CACNA1C: variants seen among roughly 807,000 people sequenced by gnomAD.
CACNA1C encodes the protein voltage-dependent L-type calcium channel subunit alpha-1C.
CACNA1C carries 30 observed loss-of-function variants against 229.0 expected under a neutral mutation model. The ratio of observed to expected loss-of-function variants is 0.13; its 90% CI spans 0.10 to 0.18. The LOEUF is 0.18. Among genes scored for constraint, CACNA1C ranks in the 10% least tolerant of loss-of-function variants. The probability of loss-of-function intolerance (pLI) is 1.00; values close to 1 mark genes in which losing one functional copy is unlikely to be tolerated. For synonymous variants in CACNA1C, 1,114 were observed against 1,132.5 expected (o/e 0.98, Z 0.33); for missense variants, 1,658 against 2,845.0 (o/e 0.58, Z 9.49).
At chr12:2,255,083 C>T (rs1293036770) in intron 3 of CACNA1C, among the ~76,000 whole-genome samples, 1 of 152,114 alleles carries the variant, frequency 6.6e-6, no homozygotes, top group Non-Finnish European at 1.5e-5. Context: ...GCTGTGGATG[C>T]GTAGAGCTTG....
At chr12:2,052,728 G>A (rs1435528528), upstream of CACNA1C, among the ~76,000 whole-genome samples, 4 of 145,668 alleles carry the variant, frequency 2.7e-5, no homozygotes, top group Non-Finnish European at 6.1e-5. Flanking sequence ...TCCCTTTGAC[G>A]TCATGCGGGC....
At chr12:2,178,462 A>G (rs868315124) in intron 3 of CACNA1C, among the ~76,000 whole-genome samples, 8 of 152,204 alleles carry the variant, frequency 5.3e-5, no homozygotes, top group Non-Finnish European at 1.2e-4. Flanking sequence ...GATCTGCAGA[A>G]GGCTTGCTAC....
intron 3 of CACNA1C, among the ~76,000 whole-genome samples, chr12:2,136,504 A>G (rs1471954362): frequency 2.0e-5 from 3 of 151,282 alleles, no homozygotes; most frequent in African/African-American, 7.3e-5. Flanking sequence ...TATAAATGGG[A>G]GGGGTATTTT....
chr12:2,551,517 G>A (rs1030778616), intron 10 of CACNA1C, among the ~76,000 whole-genome samples: 2 of 152,150 alleles, frequency 1.3e-5, no homozygotes, highest in Non-Finnish European at 2.9e-5. Flanking sequence ...ATAAAATGTG[G>A]TCTTTCCCCA....
chr12:2,610,802 G>T, intron 28 of CACNA1C, 103 bp downstream of exon 28: 1 of 1,142,360 alleles, frequency 8.8e-7, no homozygotes, highest in South Asian at 1.4e-5. Flanking sequence ...TCGCTTTCCT[G>T]GTCACCAAGG....
At position 2,632,344 on chromosome 12, in the gene CACNA1C, G is replaced by A. The variant is rs750087627; in HGVS notation, c.3829-1953G>A. Reference sequence around the variant, plus strand: ...CTGGGGGTGTATGGGGAATATGATCGCCTGTAGCTGGGGGTGTATGCACCC... The same window carrying A: ...CTGGGGGTGTATGGGGAATATGATCACCTGTAGCTGGGGGTGTATGCACCC... On this transcript the variant is annotated intron_variant, in intron 29 of 46. Coordinates refer to ENST00000399655, the MANE Select transcript of CACNA1C (RefSeq NM_000719.7). This position sits in a 1 kb window ranked among gnomAD's most constrained non-coding sequence, Gnocchi z 4.1. Among the ~76,000 whole-genome samples, 80 of 151,696 alleles carry A rather than the reference G, an allele frequency of 5.3e-4. 1 individual carries two copies. The highest frequency in any genetic ancestry group is 2.4e-4 in the Non-Finnish European group (16 of 67,934).
intron 3 of CACNA1C, among the ~76,000 whole-genome samples, chr12:2,193,291 C>T (rs1485716306): frequency 2.0e-5 from 3 of 152,028 alleles, no homozygotes; most frequent in Non-Finnish European, 2.9e-5. Flanking sequence ...CCTGTCTCTA[C>T]AAAAAGTACA....
At chr12:2,116,676 G>A (rs2084050194) in intron 2 of CACNA1C, among the ~76,000 whole-genome samples, 1 of 152,090 alleles carries the variant, frequency 6.6e-6, no homozygotes, top group Non-Finnish European at 1.5e-5. Context: ...AGCCCAGAAA[G>A]GACCTTTAAG....
At position 2,647,336 on chromosome 12, in the gene CACNA1C, C is replaced by T. The variant is rs1292549276; in HGVS notation, c.3913-1139C>T. ...GTAAGGGCACCTTCCCAGATCCAGGCTCCAGGAACTCGGGGAGAGGGCTGG... is the reference window on the plus strand; with the variant it reads ...GTAAGGGCACCTTCCCAGATCCAGGTTCCAGGAACTCGGGGAGAGGGCTGG... On this transcript the variant is annotated intron_variant, in intron 30 of 46. Transcript: ENST00000399655. This position sits in a 1 kb window ranked among gnomAD's most constrained non-coding sequence, Gnocchi z 4.2. 6.6e-6 allele frequency among the ~76,000 whole-genome samples: 1 copy of T among 152,224 alleles called. No individual in the cohort carries two copies. The highest frequency in any genetic ancestry group is 1.5e-5 in the Non-Finnish European group (1 of 68,052).
At chr12:2,309,811 G>A (rs1219301123) in intron 3 of CACNA1C, among the ~76,000 whole-genome samples, 3 of 152,232 alleles carry the variant, frequency 2.0e-5, no homozygotes, top group African/African-American at 7.2e-5. Context: ...GCGACTTACA[G>A]TCCAGGAGGG....
rs1018893607 is a variant in CACNA1C, at chr12:2,671,874, G to T, written c.4727-2667G>T. On this transcript the variant is annotated intron_variant, in intron 38 of 46. Transcript: ENST00000399655. ...GGGCCCGAAACGCCCCCACCCAAGG[G>T]TGAGCCTTCATCAGACATGGGCCCT... 8.0e-5 allele frequency among the ~76,000 whole-genome samples: 12 copies of T among 150,508 alleles called. 1 individual carries two copies. The highest frequency in any genetic ancestry group is 7.3e-4 in the Admixed American group (11 of 15,042).
At chr12:2,673,793 G>A (rs1303600434) in intron 38 of CACNA1C, among the ~76,000 whole-genome samples, 1 of 152,144 alleles carries the variant, frequency 6.6e-6, no homozygotes, top group Non-Finnish European at 1.5e-5. Context: ...CATGTGACTA[G>A]GTCAGGCCTG....
intron 3 of CACNA1C, among the ~76,000 whole-genome samples, chr12:2,380,876 T>C (rs558471602): frequency 6.6e-6 from 1 of 152,278 alleles, no homozygotes; most frequent in Non-Finnish European, 1.5e-5. Context: ...AGATGGATGG[T>C]GTCCTAAGGC....
intron 3 of CACNA1C, among the ~76,000 whole-genome samples, chr12:2,380,057 C>T (rs2098196479): frequency 6.7e-6 from 1 of 149,236 alleles, no homozygotes; most frequent in Admixed American, 6.7e-5. Context: ...CATAATATTA[C>T]CAGCTCTCCT....
chr12:2,350,814 A>G (rs748370421), intron 3 of CACNA1C, among the ~76,000 whole-genome samples: 2 of 152,174 alleles, frequency 1.3e-5, no homozygotes, highest in Non-Finnish European at 2.9e-5. Flanking sequence ...CAGAGTCTTC[A>G]GGTTGGAAGG....
chr12:2,209,851 A>G (rs879873610), intron 3 of CACNA1C, among the ~76,000 whole-genome samples: 1 of 152,218 alleles, frequency 6.6e-6, no homozygotes, highest in Non-Finnish European at 1.5e-5. Context: ...CTCAACTAAA[A>G]TCAGAAGGTT....
intron 1 of CACNA1C, among the ~76,000 whole-genome samples, chr12:2,041,909 C>A (rs1474346438): frequency 6.6e-6 from 1 of 152,168 alleles, no homozygotes; most frequent in East Asian, 1.9e-4. Flanking sequence ...GCTTGCAGAT[C>A]CCCCCAAAAG....
At chr12:2,367,860 CAGA>C (rs1162900888) in intron 3 of CACNA1C, among the ~76,000 whole-genome samples, 11 of 151,446 alleles carry the variant, frequency 7.3e-5, no homozygotes, top group Middle Eastern at 3.2e-3. Flanking sequence ...TTTCAAAATA[CAGA>C]AGAACATTAA....
chr12:2,171,836 C>T (rs1267856465), intron 3 of CACNA1C, among the ~76,000 whole-genome samples: 8 of 152,162 alleles, frequency 5.3e-5, no homozygotes, highest in Non-Finnish European at 4.4e-5. Context: ...AAGGCCTCCC[C>T]GAGGGAATTC....
Sources: allele counts gnomAD v4.1 joint callset (sites outside exome capture counted in the v4.1 genomes callset), GRCh38; gene constraint gnomAD v4.1.1; non-coding constraint Gnocchi (gnomAD v3.1); transcripts MANE v1.5; gene names NCBI Gene and HGNC (gene_info 2026-07-23, HGNC 2026-07-21).